The following HCN1 variants were observed in gnomAD, a reference collection of about 807,000 sequenced individuals.
HCN1 encodes potassium/sodium hyperpolarization-activated cyclic nucleotide-gated channel 1.
Under a neutral mutation model 78.9 loss-of-function variants are expected in HCN1, and 13 were observed. The observed-to-expected ratio is 0.16, with a 90% confidence interval of 0.11 to 0.26. HCN1 has a LOEUF of 0.26. HCN1 is among the 10% of genes least tolerant of loss of function. The pLI, the probability that HCN1 is intolerant of heterozygous loss-of-function variation, is 1.00. For missense variants in HCN1, 810 were observed against 1,154.3 expected (o/e 0.70, Z 4.32); for synonymous variants, 552 against 455.5 (o/e 1.21, Z -2.70).
At chr5:45,657,309 T>A (rs936901104) in intron 1 of HCN1, among the ~76,000 whole-genome samples, 12 of 152,224 alleles carry the variant, frequency 7.9e-5, no homozygotes, top group African/African-American at 1.7e-4. Context: ...TGTATGTATG[T>A]TTCTGCATAG....
At chr5:45,335,262 G>A (rs976149132) in intron 5 of HCN1, among the ~76,000 whole-genome samples, 4 of 152,004 alleles carry the variant, frequency 2.6e-5, no homozygotes, top group African/African-American at 9.7e-5. Context: ...GTTAAAAATA[G>A]ACATTCTTGC....
At chr5:45,415,510 T>TC (rs1161461916) in intron 3 of HCN1, among the ~76,000 whole-genome samples, 1 of 152,046 alleles carries the variant, frequency 6.6e-6, no homozygotes, top group Non-Finnish European at 1.5e-5. Flanking sequence ...TACTTGCAGT[T>TC]CCCCAAACAA....
intron 3 of HCN1, among the ~76,000 whole-genome samples, chr5:45,446,299 T>C (rs1214870727): frequency 6.6e-6 from 1 of 151,876 alleles, no homozygotes; most frequent in African/African-American, 2.4e-5. Context: ...TGACGGAAGA[T>C]CAAATGAATG....
chr5:45,670,485 T>C (rs1309763735), intron 1 of HCN1, among the ~76,000 whole-genome samples: 6 of 151,688 alleles, frequency 4.0e-5, no homozygotes, highest in Non-Finnish European at 7.4e-5. Context: ...GGCATTTTAG[T>C]TCCCAAGCTG....
At chr5:45,658,141 G>A (rs1745815419) in intron 1 of HCN1, among the ~76,000 whole-genome samples, 1 of 152,156 alleles carries the variant, frequency 6.6e-6, no homozygotes, top group South Asian at 2.1e-4. Context: ...ATGGGGAAAG[G>A]ATTCCTTATT....
chr5:45,455,482 T>C (rs566812934), intron 3 of HCN1, among the ~76,000 whole-genome samples: 3 of 152,064 alleles, frequency 2.0e-5, no homozygotes, highest in Admixed American at 6.6e-5. Flanking sequence ...TCCTCTACCA[T>C]GTGTTTAGTG....
rs1225415006 is a variant in HCN1, at chr5:45,260,921, A to G, written c.*1000T>C. 2.0e-5 allele frequency: 3 copies of G among 152,526 alleles called. No homozygotes were observed. Among genetic ancestry groups the G allele is most frequent in the Middle Eastern group, 3.2e-3 (1 of 314 alleles). 9.4% of individuals were successfully genotyped at this position (152,526 alleles called of 1,614,324 possible). On this transcript the variant is annotated 3_prime_UTR_variant, in exon 8 of 8. Transcript: ENST00000303230. ...TTTTCCCCAGAAGCATGCAGGGACT[A>G]TTTTCAGATGCTTGATTATGGCAAG...
intron 2 of HCN1, among the ~76,000 whole-genome samples, chr5:45,539,946 ATATATATATATAT>A (rs1561193945): frequency 3.5e-5 from 5 of 143,500 alleles, no homozygotes; most frequent in African/African-American, 5.2e-5. Context: ...ATATATATAT[ATATATATATATAT>A]AAAATGTTTA....
chr5:45,493,245 G>GAT (rs1036418165), intron 2 of HCN1, among the ~76,000 whole-genome samples: 2 of 151,778 alleles, frequency 1.3e-5, no homozygotes, highest in Admixed American at 6.6e-5. Context: ...TGTATATATA[G>GAT]ATATATATAT....
chr5:45,616,714 T>C (rs1177448980), intron 2 of HCN1, among the ~76,000 whole-genome samples: 1 of 152,014 alleles, frequency 6.6e-6, no homozygotes, highest in East Asian at 1.9e-4. Flanking sequence ...CTTTGGCTCT[T>C]CCATTAAATA....
chr5:45,686,430 A>G (rs1026892402), intron 1 of HCN1, among the ~76,000 whole-genome samples: 1 of 152,208 alleles, frequency 6.6e-6, no homozygotes, highest in Non-Finnish European at 1.5e-5. Flanking sequence ...ACTGTGGAAC[A>G]CAAGGACTTA....
intron 4 of HCN1, among the ~76,000 whole-genome samples, chr5:45,378,480 C>A (rs577622695): frequency 6.6e-6 from 1 of 152,180 alleles, no homozygotes; most frequent in Non-Finnish European, 1.5e-5. Flanking sequence ...CAGGCAACAT[C>A]AGAATATATT....
chr5:45,476,748 G>C (rs1741526054), intron 2 of HCN1, among the ~76,000 whole-genome samples: 1 of 152,052 alleles, frequency 6.6e-6, no homozygotes, highest in South Asian at 2.1e-4. Flanking sequence ...TCTCTAATAT[G>C]AAAATCTGAA....
At chr5:45,606,781 AT>A (rs2111972120) in intron 2 of HCN1, among the ~76,000 whole-genome samples, 1 of 152,198 alleles carries the variant, frequency 6.6e-6, no homozygotes, top group East Asian at 1.9e-4. Flanking sequence ...CAAAACAGTC[AT>A]CACGAATGAA....
chr5:45,472,276 A>G, intron 2 of HCN1, among the ~76,000 whole-genome samples: 1 of 151,780 alleles, frequency 6.6e-6, no homozygotes, highest in East Asian at 1.9e-4. Flanking sequence ...TTGCTTCCTC[A>G]GGAAAGACTT....
At chr5:45,375,880 T>C (rs1446956538) in intron 4 of HCN1, among the ~76,000 whole-genome samples, 1 of 122,694 alleles carries the variant, frequency 8.2e-6, no homozygotes, top group Admixed American at 9.4e-5. Context: ...ATATATTTTA[T>C]CTTATATATT....
intron 4 of HCN1, among the ~76,000 whole-genome samples, chr5:45,382,307 C>A (rs569053994): frequency 6.6e-6 from 1 of 152,220 alleles, no homozygotes; most frequent in Non-Finnish European, 1.5e-5. Flanking sequence ...TATTTACTAC[C>A]TGTGTACACT....
chr5:45,289,771 T>C (rs1223121863), intron 6 of HCN1, among the ~76,000 whole-genome samples: 1 of 151,880 alleles, frequency 6.6e-6, no homozygotes, highest in Non-Finnish European at 1.5e-5. Context: ...TACTATAGAG[T>C]AGGTGGTTTA....
chr5:45,585,067 T>C (rs547375914), intron 2 of HCN1, among the ~76,000 whole-genome samples: 38 of 152,332 alleles, frequency 2.5e-4, no homozygotes, highest in Non-Finnish European at 4.9e-4. Context: ...TGAATTTGAA[T>C]GTTGGCCTGC....
Sources: allele counts gnomAD v4.1 joint callset (sites outside exome capture counted in the v4.1 genomes callset), GRCh38; gene constraint gnomAD v4.1.1; transcripts MANE v1.5; gene names NCBI Gene and HGNC (gene_info 2026-07-23, HGNC 2026-07-21).